Variants in PHKB observed in about 807,000 individuals in gnomAD.
PHKB encodes the protein phosphorylase b kinase regulatory subunit beta.
A neutral mutation model predicts 152.1 loss-of-function variants in PHKB; 122 were observed. The ratio of observed to expected loss-of-function variants is 0.80; its 90% CI spans 0.69 to 0.93. The LOEUF is 0.93. PHKB is among the 40% of genes least tolerant of loss of function. The pLI is 0.00. For synonymous variants in PHKB, 436 were observed against 464.9 expected, an observed-to-expected ratio of 0.94 and a Z score of 0.80; for missense variants, 1,304 against 1,328.4, an observed-to-expected ratio of 0.98 and a Z score of 0.29.
chr16:47,698,976 TA>T (rs894591438), intron 30 of PHKB, among the ~76,000 whole-genome samples: 2 of 152,190 alleles, frequency 1.3e-5, no homozygotes, highest in Non-Finnish European at 2.9e-5. Context: ...GTTCTCTGTT[TA>T]ATATTTTATG....
At chr16:47,656,280 G>A (rs1007054999) in intron 20 of PHKB, among the ~76,000 whole-genome samples, 7 of 152,188 alleles carry the variant, frequency 4.6e-5, no homozygotes, top group African/African-American at 1.4e-4. Flanking sequence ...GCCTCCGCAA[G>A]TGCGGGGATT....
In PHKB at chr16:47,620,072, G is replaced by A. The variant is rs138380945; in HGVS notation, c.1458+9152G>A. ...TGTCTGAAACTATTATATTTAACAGGCAATAGCCAGCCAGGAATTGCTTTT... is the reference window on the plus strand; with the variant it reads ...TGTCTGAAACTATTATATTTAACAGACAATAGCCAGCCAGGAATTGCTTTT... On this transcript the variant is annotated intron_variant, in intron 14 of 30. Coordinates refer to ENST00000323584, the MANE Select transcript of PHKB (RefSeq NM_000293.3). Among the ~76,000 whole-genome samples, 26 of 152,182 alleles carry A rather than the reference G, an allele frequency of 1.7e-4. No individual in the cohort carries two copies. The East Asian group carries it at 5.0e-3, about 29-fold the overall frequency.
chr16:47,679,845 G>C (rs1973813985), intron 26 of PHKB, among the ~76,000 whole-genome samples: 1 of 152,148 alleles, frequency 6.6e-6, no homozygotes, highest in African/African-American at 2.4e-5. Context: ...CCTGTCTTGT[G>C]CCCATTTTCA....
chr16:47,688,785 C>T (rs1273992261), intron 26 of PHKB, among the ~76,000 whole-genome samples: 4 of 150,344 alleles, frequency 2.7e-5, no homozygotes, highest in Non-Finnish European at 4.4e-5. Context: ...ATCTCACTTG[C>T]TAAGAACCTA....
chr16:47,624,639 C>CT (rs1972677621), intron 14 of PHKB, among the ~76,000 whole-genome samples: 1 of 152,092 alleles, frequency 6.6e-6, no homozygotes. Context: ...GATATTCAGT[C>CT]TTTCCTCTAT....
intron 26 of PHKB, among the ~76,000 whole-genome samples, chr16:47,670,231 G>A (rs1044079072): frequency 6.6e-6 from 1 of 152,176 alleles, no homozygotes; most frequent in South Asian, 2.1e-4. Flanking sequence ...AGCTTATAGT[G>A]TAATCTAACA....
At chr16:47,461,747 G>A (rs1969563265) in intron 1 of PHKB, among the ~76,000 whole-genome samples, 1 of 152,170 alleles carries the variant, frequency 6.6e-6, no homozygotes, top group African/African-American at 2.4e-5. Flanking sequence ...CTGGGAAAGG[G>A]AATGTGTCTT....
At chr16:47,608,026 G>GTT (rs71380330) in intron 13 of PHKB, among the ~76,000 whole-genome samples, 1 of 147,864 alleles carries the variant, frequency 6.8e-6, no homozygotes, top group African/African-American at 2.5e-5. Flanking sequence ...TTTTTAATGG[G>GTT]TTTTTTTTTT....
chr16:47,517,382 A>G (rs1304762770), intron 6 of PHKB, among the ~76,000 whole-genome samples: 1 of 151,550 alleles, frequency 6.6e-6, no homozygotes, highest in Non-Finnish European at 1.5e-5. Context: ...CAGCCTCCTC[A>G]GTAGCTGGGA....
At chr16:47,655,408 G>A (rs545372703) in intron 20 of PHKB, among the ~76,000 whole-genome samples, 144 of 152,268 alleles carry the variant, frequency 9.5e-4, no homozygotes, top group Non-Finnish European at 1.7e-3. Flanking sequence ...AGCCTCTGAT[G>A]TTGACAAATT....
chr16:47,519,927 GTTGTGTACATGTTT>G (rs995803359), intron 6 of PHKB, among the ~76,000 whole-genome samples: 18 of 152,050 alleles, frequency 1.2e-4, no homozygotes, highest in African/African-American at 3.6e-4. Flanking sequence ...TTACTAAGTT[GTTGTGTACATGTTT>G]TTGTGTACAT....
rs540341991 is a variant in PHKB at position 47,685,570 on chromosome 16, T to C, written c.2631-3471T>C. 3.9e-5 allele frequency among the ~76,000 whole-genome samples: 6 copies of C among 152,344 alleles called. No individual in the cohort carries two copies. The East Asian group carries it at 1.2e-3, about 29-fold the overall frequency. On this transcript the variant is annotated intron_variant, in intron 26 of 30. Transcript: ENST00000323584. ...ACAAATGGATAAAATGTCTTTGATA[T>C]TCTTAACTGTGTTACTCCTTGGTAA...
At chr16:47,626,571 A>C (rs998681015) in intron 14 of PHKB, among the ~76,000 whole-genome samples, 11 of 152,146 alleles carry the variant, frequency 7.2e-5, no homozygotes, top group Admixed American at 3.9e-4. Context: ...AGTGAACTGA[A>C]AAGTTTATGG....
chr16:47,628,753 C>T (rs144004557), intron 14 of PHKB, among the ~76,000 whole-genome samples: 14 of 152,230 alleles, frequency 9.2e-5, no homozygotes, highest in Non-Finnish European at 1.2e-4. Flanking sequence ...GGAGGCATCA[C>T]GCTACCTGAC....
intron 14 of PHKB, among the ~76,000 whole-genome samples, chr16:47,626,062 A>G (rs1386803159): frequency 6.6e-6 from 1 of 152,258 alleles, no homozygotes; most frequent in African/African-American, 2.4e-5. Context: ...CTAAGTCTGG[A>G]TGCATGAAAA....
chr16:47,661,721 T>C lies in PHKB; in HGVS notation c.2199T>C (p.Asp733=), dbSNP rs754844396. 6.2e-7 allele frequency: 1 copy of C among 1,608,848 alleles called. No individual in the cohort carries two copies. The highest frequency in any genetic ancestry group is 1.1e-5 in the South Asian group (1 of 91,006). The stretch of plus-strand genomic sequence containing the variant: ...CTCACCGTGATTTATATTTTCAGGA[T>C]TGCAGTTGTCTGGCTAGCCAAGCCA... ...PTHEILQKLN[D]CSCLASQAIL... is the part of the protein sequence containing the mutation. Residue 733 remains aspartate (D), a splice_region_variant and synonymous_variant, in exon 23 of 31, where the codon GAT becomes GAC. Coordinates refer to ENST00000323584, the MANE Select transcript of PHKB (RefSeq NM_000293.3).
chr16:47,534,195 A>T (rs1299092186), intron 6 of PHKB, among the ~76,000 whole-genome samples: 1 of 152,188 alleles, frequency 6.6e-6, no homozygotes, highest in Non-Finnish European at 1.5e-5. Context: ...GCCACTCCAG[A>T]TGGCCCACCG....
At chr16:47,639,663 G>A (rs1972983012) in intron 14 of PHKB, among the ~76,000 whole-genome samples, 1 of 152,156 alleles carries the variant, frequency 6.6e-6, no homozygotes, top group East Asian at 1.9e-4. Context: ...GATTCAAAAA[G>A]AAGATTCCAG....
intron 6 of PHKB, among the ~76,000 whole-genome samples, chr16:47,518,459 C>T (rs2151653860): frequency 6.6e-6 from 1 of 152,172 alleles, no homozygotes; most frequent in South Asian, 2.1e-4. Flanking sequence ...TCATGTGCAC[C>T]TTTACAAAGG....
Sources: gnomAD v4.1 joint callset for allele counts (sites outside exome capture counted in the v4.1 genomes callset) on GRCh38, gnomAD v4.1.1 for gene constraint, MANE v1.5 for transcripts, NCBI Gene and HGNC (gene_info 2026-07-23, HGNC 2026-07-21) for gene names.